LRRTM4: variants seen among roughly 807,000 people sequenced by gnomAD.
The protein encoded by LRRTM4 is leucine rich repeat transmembrane neuronal 4.
A neutral mutation model predicts 47.6 loss-of-function variants in LRRTM4; 25 were observed. That is an observed-to-expected ratio of 0.53 (90% confidence interval 0.38 to 0.73). The LOEUF (loss-of-function observed/expected upper bound fraction) is 0.73, where lower values mean the gene tolerates loss of function less well. Ranked by LOEUF, LRRTM4 falls within the 30% of genes least tolerant of loss-of-function variation. The pLI is 0.00. For missense variants in LRRTM4, 638 were observed against 713.4 expected, an observed-to-expected ratio of 0.89 and a Z score of 1.20; for synonymous variants, 311 against 269.5, an observed-to-expected ratio of 1.15 and a Z score of -1.51.
chr2:76,759,218 T>A (rs564769352), intron 3 of LRRTM4, among the ~76,000 whole-genome samples: 67 of 152,284 alleles, frequency 4.4e-4, no homozygotes, highest in African/African-American at 1.6e-3. Context: ...CCCTGTGGTT[T>A]AGACTGCATA....
At chr2:77,245,927 T>G (rs1675433801) in intron 3 of LRRTM4, among the ~76,000 whole-genome samples, 1 of 152,148 alleles carries the variant, frequency 6.6e-6, no homozygotes, top group Admixed American at 6.6e-5. Flanking sequence ...AATAGAGATT[T>G]TGCCAATTGC....
Position 77,046,111 on chromosome 2 carries a change from T to C in LRRTM4, c.1552-297195A>G, listed in dbSNP as rs373212216. Among the ~76,000 whole-genome samples, 3 of 152,146 alleles carry C rather than the reference T, an allele frequency of 2.0e-5. No homozygotes were observed. In the East Asian group the frequency reaches 5.8e-4, roughly 29 times the overall value. ...TCATGTAAGTGGTTCTTCTCTTGTA[T>C]TACCTGTACTGGGAGCTAAAACTCA... is the stretch of plus-strand genomic sequence containing the variant. On this transcript the variant is annotated intron_variant, in intron 3 of 3. Transcript: ENST00000409884.
chr2:76,941,738 G>A (rs765699759), intron 3 of LRRTM4, among the ~76,000 whole-genome samples: 2 of 152,116 alleles, frequency 1.3e-5, no homozygotes, highest in African/African-American at 2.4e-5. Flanking sequence ...TTGGTTCCAA[G>A]TCTTTGCTAT....
chr2:77,217,440 A>T (rs963808337), intron 3 of LRRTM4, among the ~76,000 whole-genome samples: 7 of 76,780 alleles, frequency 9.1e-5, no homozygotes, highest in East Asian at 4.5e-4. Flanking sequence ...CTCCAAATGA[A>T]ATATATATAT....
intron 3 of LRRTM4, among the ~76,000 whole-genome samples, chr2:76,980,361 G>T (rs199906823): frequency 6.6e-6 from 1 of 152,008 alleles, no homozygotes; most frequent in Non-Finnish European, 1.5e-5. Context: ...TAAAAGTGTA[G>T]TGTCTTGTAT....
At chr2:76,757,958 GA>G (rs1436027930) in intron 3 of LRRTM4, among the ~76,000 whole-genome samples, 1 of 152,118 alleles carries the variant, frequency 6.6e-6, no homozygotes, top group African/African-American at 2.4e-5. Flanking sequence ...ATGAAAGCAG[GA>G]ATGCCAGTAC....
intron 3 of LRRTM4, among the ~76,000 whole-genome samples, chr2:77,081,344 AAT>A (rs1316561668): frequency 6.6e-6 from 1 of 151,902 alleles, no homozygotes; most frequent in African/African-American, 2.4e-5. Flanking sequence ...TACATTTTAA[AAT>A]ATATTTCTAT....
intron 3 of LRRTM4, among the ~76,000 whole-genome samples, chr2:77,509,331 T>C (rs1489840905): frequency 6.6e-6 from 1 of 152,078 alleles, no homozygotes; most frequent in South Asian, 2.1e-4. Context: ...TTATAAGTTG[T>C]TTCTCTAACT....
At chr2:76,989,117 T>G (rs914515000) in intron 3 of LRRTM4, among the ~76,000 whole-genome samples, 1 of 151,896 alleles carries the variant, frequency 6.6e-6, no homozygotes, top group Non-Finnish European at 1.5e-5. Context: ...ATTACATGTA[T>G]TGTTCAGTTT....
At chr2:76,961,842 G>T (rs1328113490) in intron 3 of LRRTM4, among the ~76,000 whole-genome samples, 1 of 151,144 alleles carries the variant, frequency 6.6e-6, no homozygotes, top group African/African-American at 2.4e-5. Flanking sequence ...CTAAAATTTT[G>T]CTTTGTCAAT....
At position 76,824,468 on chromosome 2, in the gene LRRTM4, A is replaced by C. The variant is rs548728630; in HGVS notation, c.1552-75552T>G. Reference sequence around the variant, plus strand: ...TTAATAAATTCTTATTTTGAGTAGCACATATACACTCAATTTATTAAATGA... The same window carrying C: ...TTAATAAATTCTTATTTTGAGTAGCCCATATACACTCAATTTATTAAATGA... On this transcript the variant is annotated intron_variant, in intron 3 of 3. Transcript: ENST00000409884. 4.0e-5 allele frequency among the ~76,000 whole-genome samples: 6 copies of C among 151,706 alleles called. No individual in the cohort carries two copies. The South Asian group carries it at 1.2e-3, about 31-fold the overall frequency.
intron 3 of LRRTM4, among the ~76,000 whole-genome samples, chr2:77,481,685 G>C (rs1677709252): frequency 6.6e-6 from 1 of 152,068 alleles, no homozygotes; most frequent in Non-Finnish European, 1.5e-5. Flanking sequence ...ATTTGAAACT[G>C]TGAGATTCTT....
intron 3 of LRRTM4, among the ~76,000 whole-genome samples, chr2:76,882,035 G>C (rs1201364767): frequency 6.6e-6 from 1 of 152,036 alleles, no homozygotes; most frequent in Non-Finnish European, 1.5e-5. Context: ...CCACAATCTG[G>C]TGTAAAATTG....
rs138607941 is a variant in LRRTM4, at chr2:77,004,135, A to C, written c.1552-255219T>G. On this transcript the variant is annotated intron_variant, in intron 3 of 3. Transcript: ENST00000409884. The stretch of plus-strand genomic sequence containing the variant: ...AAATTTGCAGCCTGAAATGCAGTAG[A>C]AAAGAAAACCCCATTTTCTGGGGAG... 1.1e-3 allele frequency among the ~76,000 whole-genome samples: 169 copies of C among 152,320 alleles called. 1 individual carries two copies. The highest frequency in any genetic ancestry group is 0.01 in the Middle Eastern group (3 of 294).
At chr2:77,082,557 T>A (rs1461882324) in intron 3 of LRRTM4, among the ~76,000 whole-genome samples, 3 of 152,110 alleles carry the variant, frequency 2.0e-5, no homozygotes, top group South Asian at 4.1e-4. Context: ...CATTCTTATA[T>A]ATATATAGGT....
chr2:76,937,987 G>C (rs1370166520), intron 3 of LRRTM4, among the ~76,000 whole-genome samples: 1 of 151,882 alleles, frequency 6.6e-6, no homozygotes, highest in East Asian at 1.9e-4. Context: ...TTAAAGTTTT[G>C]GGAGTTTTCA....
chr2:76,788,499 GCTCT>G (rs546345547), intron 3 of LRRTM4, among the ~76,000 whole-genome samples: 1 of 152,170 alleles, frequency 6.6e-6, no homozygotes, highest in Non-Finnish European at 1.5e-5. Context: ...AGAGTGTAAT[GCTCT>G]CTATTTAACC....
chr2:77,163,945 A>T (rs1405135031), intron 3 of LRRTM4, among the ~76,000 whole-genome samples: 1 of 152,206 alleles, frequency 6.6e-6, no homozygotes, highest in African/African-American at 2.4e-5. Flanking sequence ...ATAGGATCAA[A>T]TTCACACATA....
rs6742031 is a variant in LRRTM4, at chr2:76,979,198, G to T, written c.1552-230282C>A. 3.8e-3 allele frequency among the ~76,000 whole-genome samples: 583 copies of T among 152,118 alleles called. 1 individual carries two copies. The highest frequency in any genetic ancestry group is 0.013 in the African/African-American group (558 of 41,532). Reference sequence around the variant, plus strand: ...ATCAGGCATTTCTTGGGGACTCCCAGAAGTGCTTCAAGGGTAATTTCAGGT... The same window carrying T: ...ATCAGGCATTTCTTGGGGACTCCCATAAGTGCTTCAAGGGTAATTTCAGGT... On this transcript the variant is annotated intron_variant, in intron 3 of 3. Coordinates refer to ENST00000409884, the MANE Select transcript of LRRTM4 (RefSeq NM_001134745.3).
Sources: allele counts gnomAD v4.1 joint callset (sites outside exome capture counted in the v4.1 genomes callset), GRCh38; gene constraint gnomAD v4.1.1; transcripts MANE v1.5; gene names NCBI Gene and HGNC (gene_info 2026-07-23, HGNC 2026-07-21).